DOCK1: variants seen among roughly 807,000 people sequenced by gnomAD.
The protein encoded by DOCK1 is dedicator of cytokinesis 1, also known as dedicator of cytokinesis protein 1.
In DOCK1, 138 loss-of-function variants were observed where a neutral mutation model predicts 262.7. The ratio of observed to expected loss-of-function variants is 0.53; its 90% CI spans 0.46 to 0.61. DOCK1 has a LOEUF of 0.61. DOCK1 is among the 20% of genes least tolerant of loss of function. DOCK1 has a pLI of 0.00. For missense variants in DOCK1, 1,908 were observed against 2,370.7 expected, an observed-to-expected ratio of 0.80 and a Z score of 4.05; for synonymous variants, 866 against 867.4, an observed-to-expected ratio of 1.00 and a Z score of 0.03.
intron 27 of DOCK1, among the ~76,000 whole-genome samples, chr10:127,129,549 G>A (rs954644995): frequency 6.6e-6 from 1 of 152,210 alleles, no homozygotes; most frequent in Admixed American, 6.5e-5. Context: ...AGAAGGATTT[G>A]CAGTGACTCC....
intron 14 of DOCK1, among the ~76,000 whole-genome samples, chr10:127,023,551 T>TTC (rs2042602145): frequency 6.6e-6 from 1 of 150,382 alleles, no homozygotes; most frequent in African/African-American, 2.4e-5. Flanking sequence ...TCTTTTTTTT[T>TTC]TTTTTTTTTG....
At chr10:127,031,610 T>A in intron 16 of DOCK1, 40 bp from the exon 17 acceptor site, 1 of 1,480,722 alleles carries the variant, frequency 6.8e-7, no homozygotes, top group Non-Finnish European at 9.3e-7. Context: ...GTCATGATAA[T>A]TGAAAGCAAT....
chr10:126,949,745 T>G (rs1366816033), intron 1 of DOCK1, among the ~76,000 whole-genome samples: 4 of 152,252 alleles, frequency 2.6e-5, no homozygotes, highest in South Asian at 2.1e-4. Flanking sequence ...TGTGACAAGG[T>G]TTGCTTGTGA....
chr10:127,114,013 T>C (rs1442645049), intron 25 of DOCK1, among the ~76,000 whole-genome samples: 2 of 152,170 alleles, frequency 1.3e-5, no homozygotes, highest in African/African-American at 4.8e-5. Context: ...AAATTAACCA[T>C]CACAGAGTAT....
rs920740318 is a variant in DOCK1 at position 127,409,048 on chromosome 10, C to T, written c.4134C>T (p.Phe1378=). ...GTCACCCTTTTCAGGGAAAAGTTTT[C>T]ATTTACCGAGGGAAAGAGTATGAGC... ...GFPTFLRGKV[F]IYRGKEYERR... is the part of the protein sequence containing the mutation. The change falls in exon 41 of 52, where the codon TTC becomes TTT. Residue 1378 remains phenylalanine, a synonymous_variant. Transcript: ENST00000623213. 56 of 1,584,362 alleles carry T rather than the reference C, an allele frequency of 3.5e-5. No homozygotes were observed. Among genetic ancestry groups the T allele is most frequent in the Non-Finnish European group, 4.7e-5 (55 of 1,164,060 alleles).
chr10:127,223,328 T>C lies in DOCK1; in HGVS notation c.2848-24680T>C, dbSNP rs1030380221. Among the ~76,000 whole-genome samples, 3 of 152,224 alleles carry C rather than the reference T, an allele frequency of 2.0e-5. No individual in the cohort carries two copies. The South Asian group carries it at 6.2e-4, about 31-fold the overall frequency. On this transcript the variant is annotated intron_variant, in intron 27 of 51. Transcript: ENST00000623213. ...GAAAGGTAAAAATCTATTTTTCCTA[T>C]CAAAATTATCTCTTAATGCTTTTTA...
rs907467357 is a variant in DOCK1 at position 127,024,781 on chromosome 10, A to G, written c.1549A>G (p.Lys517Glu). Reference sequence around the variant, plus strand: ...GCAGCCACGCTGGTTTGAGACTGTTAAGGTATTATTTACATGGTCATTTTA... The same window carrying G: ...GCAGCCACGCTGGTTTGAGACTGTTGAGGTATTATTTACATGGTCATTTTA... ...VKQPRWFETV[K>E]VAIPIEDVNR... The change falls in exon 15 of 52, where the codon AAG (lysine) becomes GAG (glutamate). Residue 517 changes from lysine to glutamate, a missense_variant and splice_region_variant. Transcript: ENST00000623213. 4 of 1,603,644 alleles carry G rather than the reference A, an allele frequency of 2.5e-6. No individual in the cohort carries two copies. The highest frequency in any genetic ancestry group is 1.7e-5 in the Admixed American group (1 of 58,838).
chr10:127,181,115 T>G (rs553325390), intron 27 of DOCK1, among the ~76,000 whole-genome samples: 2 of 152,320 alleles, frequency 1.3e-5, no homozygotes, highest in South Asian at 2.1e-4. Flanking sequence ...GGTCATCTTT[T>G]ATTGTTTTGA....
At chr10:127,171,446 C>T (rs2054562507) in intron 27 of DOCK1, among the ~76,000 whole-genome samples, 1 of 152,180 alleles carries the variant, frequency 6.6e-6, no homozygotes, top group Non-Finnish European at 1.5e-5. Flanking sequence ...GCCCATGACC[C>T]CTTTGGGCCA....
chr10:126,923,573 G>A (rs1392799430), intron 1 of DOCK1, among the ~76,000 whole-genome samples: 1 of 152,186 alleles, frequency 6.6e-6, no homozygotes, highest in Non-Finnish European at 1.5e-5. Context: ...GCAGTGAGCC[G>A]AGATGGCACC....
intron 31 of DOCK1, chr10:127,344,138 GGAGTTA>G: frequency 6.1e-6 from 1 of 164,500 alleles, no homozygotes. Flanking sequence ...AGCTCACTGG[GGAGTTA>G]GAGCTATCGG....
At chr10:126,927,692 C>T (rs970484871) in intron 1 of DOCK1, among the ~76,000 whole-genome samples, 75 of 152,300 alleles carry the variant, frequency 4.9e-4, no homozygotes, top group African/African-American at 1.7e-3. Flanking sequence ...CCACCTCGGC[C>T]TCCCAAAGTG....
intron 29 of DOCK1, among the ~76,000 whole-genome samples, chr10:127,298,414 C>A (rs1054599514): frequency 3.3e-5 from 5 of 152,134 alleles, no homozygotes; most frequent in African/African-American, 9.7e-5. Flanking sequence ...GAAATGAAAT[C>A]TTTTTGTTAA....
At chr10:127,439,852 A>G (rs930932939) in intron 49 of DOCK1, among the ~76,000 whole-genome samples, 1 of 152,064 alleles carries the variant, frequency 6.6e-6, no homozygotes, top group Non-Finnish European at 1.5e-5. Flanking sequence ...CGTTCATTCC[A>G]CAGTCGTGGG....
chr10:127,113,331 G>A (rs1169229907), intron 25 of DOCK1, among the ~76,000 whole-genome samples: 1 of 152,192 alleles, frequency 6.6e-6, no homozygotes. Flanking sequence ...GTCACTGTAT[G>A]TGTCCTCCAG....
rs974117188 is a variant in DOCK1, at chr10:127,103,152, G to A, written c.2446-3079G>A. On this transcript the variant is annotated intron_variant, in intron 23 of 51. Coordinates refer to ENST00000623213, the MANE Select transcript of DOCK1 (RefSeq NM_001290223.2). ...TTGGTGCTTCTTGTTACTGCGTCGA[G>A]TTCCATTGTATGAATTCCCCTCTTG... Among the ~76,000 whole-genome samples the A allele has an allele frequency of 2.6e-5, 4 of 152,192 alleles. No homozygotes were observed. In the East Asian group the frequency reaches 7.7e-4, roughly 29 times the overall value.
chr10:127,385,776 C>T (rs7078619), intron 38 of DOCK1, among the ~76,000 whole-genome samples: 16,274 of 152,122 alleles, frequency 0.11, 1,230 homozygotes, highest in African/African-American at 0.22. Flanking sequence ...GTGTTGCTGG[C>T]GGTCTCTGGC....
chr10:127,211,221 A>G (rs572807979), intron 27 of DOCK1, among the ~76,000 whole-genome samples: 2 of 152,330 alleles, frequency 1.3e-5, no homozygotes, highest in Admixed American at 1.3e-4. Context: ...AGGAAAGCCA[A>G]GTGCAACTTG....
At chr10:127,236,994 C>T (rs2059092778) in intron 27 of DOCK1, among the ~76,000 whole-genome samples, 1 of 152,054 alleles carries the variant, frequency 6.6e-6, no homozygotes, top group South Asian at 2.1e-4. Flanking sequence ...AAATTGTCTG[C>T]CTTTGAAACC....
Sources: gnomAD v4.1 joint callset for allele counts (sites outside exome capture counted in the v4.1 genomes callset) on GRCh38, gnomAD v4.1.1 for gene constraint, MANE v1.5 for transcripts, NCBI Gene and HGNC (gene_info 2026-07-23, HGNC 2026-07-21) for gene names.